PHYHIPL: variants seen among roughly 807,000 people sequenced by gnomAD.
PHYHIPL encodes the protein phytanoyl-CoA hydroxylase-interacting protein-like.
In PHYHIPL, 9 loss-of-function variants were observed where a neutral mutation model predicts 33.4. That is an observed-to-expected ratio of 0.27 (90% confidence interval 0.16 to 0.47). PHYHIPL has a LOEUF of 0.47. Ranked by LOEUF, PHYHIPL falls within the 20% of genes least tolerant of loss-of-function variation. The probability of loss-of-function intolerance (pLI) is 0.99; values close to 1 mark genes in which losing one functional copy is unlikely to be tolerated. For synonymous variants in PHYHIPL, 153 were observed against 154.1 expected, an observed-to-expected ratio of 0.99 and a Z score of 0.05; for missense variants, 365 against 460.7, an observed-to-expected ratio of 0.79 and a Z score of 1.90.
intron 1 of PHYHIPL, among the ~76,000 whole-genome samples, chr10:59,184,325 A>C (rs1269221695): frequency 6.6e-6 from 1 of 152,188 alleles, no homozygotes; most frequent in African/African-American, 2.4e-5. Context: ...CAAACCTTAA[A>C]ATACTTATTG....
At chr10:59,189,887 A>T (rs959130122) in intron 1 of PHYHIPL, among the ~76,000 whole-genome samples, 1 of 151,924 alleles carries the variant, frequency 6.6e-6, no homozygotes. Flanking sequence ...GTATTCTGGG[A>T]ATGCATAGCA....
chr10:59,198,055 T>G (rs576534993), intron 1 of PHYHIPL, among the ~76,000 whole-genome samples: 1 of 149,316 alleles, frequency 6.7e-6, no homozygotes, highest in South Asian at 2.2e-4. Context: ...GCAGTAATCT[T>G]TTTTTATTAT....
intron 1 of PHYHIPL, among the ~76,000 whole-genome samples, chr10:59,228,797 A>G (rs1021033020): frequency 6.6e-5 from 10 of 152,178 alleles, no homozygotes; most frequent in Admixed American, 4.6e-4. Flanking sequence ...TATTTAAACT[A>G]ACTACCATCA....
intron 1 of PHYHIPL, 106 bp downstream of exon 1, chr10:59,177,065 TG>T: frequency 3.3e-6 from 3 of 922,946 alleles, no homozygotes; most frequent in Non-Finnish European, 3.3e-6. Context: ...GGTCTTTTGT[TG>T]TCCCCTCTGT....
chr10:59,198,818 T>C (rs191693808), intron 1 of PHYHIPL, among the ~76,000 whole-genome samples: 52 of 152,094 alleles, frequency 3.4e-4, no homozygotes, highest in African/African-American at 1.2e-3. Context: ...ATGATGAGAG[T>C]TTTTTCATGT....
At chr10:59,233,639 A>G (rs1216989412) in intron 1 of PHYHIPL, among the ~76,000 whole-genome samples, 2 of 151,826 alleles carry the variant, frequency 1.3e-5, no homozygotes, top group Non-Finnish European at 3.0e-5. Flanking sequence ...GTGGAAGTGT[A>G]ATCTTTAAAG....
chr10:59,228,438 G>T (rs1839989695), intron 1 of PHYHIPL, among the ~76,000 whole-genome samples: 1 of 151,864 alleles, frequency 6.6e-6, no homozygotes, highest in Admixed American at 6.6e-5. Context: ...GTTTTGTTGT[G>T]GTTACTATTT....
In PHYHIPL at chr10:59,180,314, G is replaced by GTA. The variant is rs35898292; in HGVS notation, c.106+3402_106+3403dup. Among the ~76,000 whole-genome samples the GTA allele has an allele frequency of 8.5e-3, 728 of 85,882 alleles. 16 individuals carry two copies. Among genetic ancestry groups the GTA allele is most frequent in the Non-Finnish European group, 0.011 (492 of 44,184 alleles). The allele number at this position is 85,882 out of a possible 152,430, so 56.3% of individuals were successfully genotyped here. ...TATATAATATATATATATAGAAAAAGTATATATATATATATATATATATAT... is the reference window on the plus strand; with the variant it reads ...TATATAATATATATATATAGAAAAAGTATATATATATATATATATATATATAT... On this transcript the variant is annotated intron_variant, in intron 1 of 4. Coordinates refer to ENST00000373880, the MANE Select transcript of PHYHIPL (RefSeq NM_032439.4).
chr10:59,176,389 C>G (rs1294547776), upstream of PHYHIPL, among the ~76,000 whole-genome samples: 1 of 152,090 alleles, frequency 6.6e-6, no homozygotes, highest in Admixed American at 6.6e-5. Context: ...CGGCGTATAG[C>G]GCTCGCCCTT....
chr10:59,236,331 T>C, intron 2 of PHYHIPL, 152 bp from the exon 3 acceptor site: 1 of 478,688 alleles, frequency 2.1e-6, no homozygotes, highest in Non-Finnish European at 3.7e-6. Context: ...CTTCCTCCTT[T>C]TCCCTCCTTC....
At chr10:59,236,415 T>C in intron 2 of PHYHIPL, 68 bp from the exon 3 acceptor site, 1 of 1,014,614 alleles carries the variant, frequency 9.9e-7, no homozygotes, top group Non-Finnish European at 1.4e-6. Flanking sequence ...TTTTCTTCTT[T>C]CTTCACTTCC....
rs1840789867 is a variant in PHYHIPL at position 59,247,274 on chromosome 10, CTAAA to C, written c.*1688_*1691del. 4.4e-6 allele frequency: 1 copy of C among 225,624 alleles called. No individual in the cohort carries two copies. Among genetic ancestry groups the C allele is most frequent in the East Asian group, 1.4e-4 (1 of 7,006 alleles). The allele number at this position is 225,624 out of a possible 1,614,324, so 14.0% of individuals were successfully genotyped here. On this transcript the variant is annotated 3_prime_UTR_variant, in exon 5 of 5. Transcript: ENST00000373880. ...CATCAACATAAACAGTCTTTGGATA[CTAAA>C]TAAACTTTCCCTAACAAGTGTCCTA...
intron 1 of PHYHIPL, among the ~76,000 whole-genome samples, chr10:59,220,538 G>A (rs1274849078): frequency 6.6e-6 from 1 of 152,070 alleles, no homozygotes; most frequent in East Asian, 1.9e-4. Context: ...AATTCAAGAA[G>A]CTTAAGAAAA....
At chr10:59,177,395 T>A in intron 1 of PHYHIPL, 1 of 1,363,004 alleles carries the variant, frequency 7.3e-7, no homozygotes, top group African/African-American at 1.5e-5. Flanking sequence ...TTCCAGAAAC[T>A]TATCATTTTC....
Position 59,246,638 on chromosome 10 carries a change from T to G in PHYHIPL, c.*1047T>G, listed in dbSNP as rs1252862694. On this transcript the variant is annotated 3_prime_UTR_variant, in exon 5 of 5. Coordinates refer to ENST00000373880, the MANE Select transcript of PHYHIPL (RefSeq NM_032439.4). The stretch of plus-strand genomic sequence containing the variant: ...TGATGAAGCAAATAAATATTCTGGC[T>G]TCTTTTTCAAGGTATCAGGGCAAAC... The G allele has an allele frequency of 2.5e-6, 1 of 397,652 alleles. No individual in the cohort carries two copies. Among genetic ancestry groups the G allele is most frequent in the African/African-American group, 2.1e-5 (1 of 48,600 alleles). 24.6% of individuals were successfully genotyped at this position (397,652 alleles called of 1,614,324 possible). A position where few individuals can be genotyped will look rare whatever the true frequency, so the allele number is the denominator to read the frequency against.
At chr10:59,211,714 T>A (rs979169867) in intron 1 of PHYHIPL, among the ~76,000 whole-genome samples, 1 of 151,642 alleles carries the variant, frequency 6.6e-6, no homozygotes, top group Non-Finnish European at 1.5e-5. Flanking sequence ...GTTCCTTTTT[T>A]AAGTTCATTA....
intron 3 of PHYHIPL, among the ~76,000 whole-genome samples, chr10:59,237,252 T>G (rs1325144585): frequency 6.6e-6 from 1 of 151,966 alleles, no homozygotes; most frequent in Non-Finnish European, 1.5e-5. Flanking sequence ...GATGTGGAAC[T>G]GAACCTTAAT....
At chr10:59,228,586 T>C (rs1453247867) in intron 1 of PHYHIPL, among the ~76,000 whole-genome samples, 1 of 152,168 alleles carries the variant, frequency 6.6e-6, no homozygotes, top group African/African-American at 2.4e-5. Context: ...TGGAAGTTAT[T>C]AAAACATACA....
intron 4 of PHYHIPL, among the ~76,000 whole-genome samples, chr10:59,240,469 G>A (rs1436670344): frequency 6.6e-6 from 1 of 151,528 alleles, no homozygotes; most frequent in Non-Finnish European, 1.5e-5. Context: ...GCCTACAGTT[G>A]GGCAAAATTA....
Sources: allele counts gnomAD v4.1 joint callset (sites outside exome capture counted in the v4.1 genomes callset), GRCh38; gene constraint gnomAD v4.1.1; transcripts MANE v1.5; gene names NCBI Gene and HGNC (gene_info 2026-07-23, HGNC 2026-07-21).